Variants in AGO2 observed in about 807,000 individuals in gnomAD.
The protein encoded by AGO2 is protein argonaute-2.
A neutral mutation model predicts 102.3 loss-of-function variants in AGO2; 5 were observed. That is an observed-to-expected ratio of 0.05 (90% CI 0.03 to 0.10). AGO2 has a LOEUF of 0.10. Ranked by LOEUF, AGO2 falls within the 10% of genes least tolerant of loss-of-function variation. The pLI is 1.00. For missense variants in AGO2, 541 were observed against 1,183.7 expected (o/e 0.46, Z 7.97); for synonymous variants, 449 against 473.1 (o/e 0.95, Z 0.66).
intron 13 of AGO2, among the ~76,000 whole-genome samples, chr8:140,545,635 C>A (rs1049005171): frequency 6.6e-6 from 1 of 152,228 alleles, no homozygotes; most frequent in Non-Finnish European, 1.5e-5. Context: ...ACCCTCCCAA[C>A]AGCCTCCCCG....
rs1386366277 is a variant in AGO2, at chr8:140,553,404, G to GTTT, written c.1270-1971_1270-1969dup. On this transcript the variant is annotated intron_variant, in intron 10 of 18. Transcript: ENST00000220592. ...GCCTCAAACAAGTTACAAGTTTTTT[G>GTTT]TTTTTTGTTTTTTTTTTTTTTTGAG... is the stretch of plus-strand genomic sequence containing the variant. Among the ~76,000 whole-genome samples, 16 of 101,710 alleles carry GTTT rather than the reference G, an allele frequency of 1.6e-4. 1 individual carries two copies. Among genetic ancestry groups the GTTT allele is most frequent in the African/African-American group, 3.4e-4 (7 of 20,612 alleles). 66.7% of individuals were successfully genotyped at this position (101,710 alleles called of 152,430 possible). A position where few individuals can be genotyped will look rare whatever the true frequency, so the allele number is the denominator to read the frequency against.
chr8:140,561,568 T>C (rs542577197), intron 4 of AGO2, among the ~76,000 whole-genome samples: 207 of 152,300 alleles, frequency 1.4e-3, no homozygotes, highest in Non-Finnish European at 1.6e-3. Context: ...CAGAGACAGA[T>C]TACACGTGGG....
At chr8:140,633,169 C>A (rs1243325246) in intron 1 of AGO2, among the ~76,000 whole-genome samples, 2 of 152,004 alleles carry the variant, frequency 1.3e-5, no homozygotes, top group Admixed American at 6.6e-5. Context: ...CCTTGGCCTC[C>A]CAATGTAATT....
rs1305476886 is a variant in AGO2, at chr8:140,589,257, C to T, written c.23-3946G>A. The stretch of plus-strand genomic sequence containing the variant: ...CAGGCCTGCCAGGATTCCCCGCAGA[C>T]GTGTACCCTGAGGCGGGGAGAGCAG... On this transcript the variant is annotated intron_variant, in intron 1 of 18. Coordinates refer to ENST00000220592, the MANE Select transcript of AGO2 (RefSeq NM_012154.5). This position sits in a 1 kb window ranked among gnomAD's most constrained non-coding sequence, Gnocchi z 4.2. 1.3e-5 allele frequency among the ~76,000 whole-genome samples: 2 copies of T among 152,148 alleles called. No individual in the cohort carries two copies. Among genetic ancestry groups the T allele is most frequent in the Non-Finnish European group, 2.9e-5 (2 of 68,016 alleles).
chr8:140,585,446 AGAG>A (rs1564101204), intron 1 of AGO2, 135 bp from the exon 2 acceptor site: 2 of 941,420 alleles, frequency 2.1e-6, no homozygotes, highest in Non-Finnish European at 3.1e-6. Context: ...TGCATTCCAC[AGAG>A]GAGGCGTCTC....
chr8:140,627,265 G>C (rs976314403), intron 1 of AGO2, among the ~76,000 whole-genome samples: 2 of 152,236 alleles, frequency 1.3e-5, no homozygotes, highest in African/African-American at 4.8e-5. Flanking sequence ...GAACAAGAGT[G>C]CTGATGCAAA....
chr8:140,541,352 CCACCACCTGCAGGAACAGG>C lies in AGO2; in HGVS notation c.1840-13_1845del. The C allele has an allele frequency of 6.2e-7, 1 of 1,602,312 alleles. No homozygotes were observed. The highest frequency in any genetic ancestry group is 8.5e-7 in the Non-Finnish European group (1 of 1,175,340). On this transcript the variant is annotated splice_acceptor_variant and splice_polypyrimidine_tract_variant and coding_sequence_variant and intron_variant, in exon 15 of 19. Transcript: ENST00000220592. LOFTEE classifies it high-confidence loss of function. Reference sequence around the variant, plus strand: ...CGATTGGGGTGGGCGTCCATGCTGCCCACCACCTGCAGGAACAGGCAGTGAGTGTGGTCAGGGGTTCCCA... The same window carrying C: ...CGATTGGGGTGGGCGTCCATGCTGCCCAGTGAGTGTGGTCAGGGGTTCCCA...
intron 1 of AGO2, among the ~76,000 whole-genome samples, chr8:140,608,425 C>T (rs569619582): frequency 6.8e-4 from 103 of 152,340 alleles, no homozygotes; most frequent in Non-Finnish European, 1.9e-4. Flanking sequence ...CACAATTGTC[C>T]GTGGAGAGCC....
intron 3 of AGO2, among the ~76,000 whole-genome samples, chr8:140,564,211 C>T (rs375691151): frequency 3.9e-5 from 6 of 152,104 alleles, no homozygotes; most frequent in African/African-American, 9.7e-5. Flanking sequence ...CAGAGCCATA[C>T]GCACAGGGGA....
At chr8:140,582,398 T>C (rs998132091) in intron 2 of AGO2, among the ~76,000 whole-genome samples, 1 of 152,222 alleles carries the variant, frequency 6.6e-6, no homozygotes, top group Non-Finnish European at 1.5e-5. Flanking sequence ...TGGAGCATTT[T>C]GGGTGTCAGG....
At chr8:140,585,083 C>A (rs1447946149) in intron 2 of AGO2, 36 bp downstream of exon 2, 2 of 1,595,326 alleles carry the variant, frequency 1.3e-6, no homozygotes, top group Non-Finnish European at 8.6e-7. Flanking sequence ...TCCGCGCAGA[C>A]CACTTACACA....
intron 11 of AGO2, among the ~76,000 whole-genome samples, chr8:140,549,989 A>G (rs991786811): frequency 6.6e-6 from 1 of 152,208 alleles, no homozygotes; most frequent in African/African-American, 2.4e-5. Context: ...TTTCCTGTAC[A>G]TTAGATCAGG....
rs549495802 is a variant in AGO2, at chr8:140,624,170, G to A, written c.22+11315C>T. 3.9e-5 allele frequency among the ~76,000 whole-genome samples: 6 copies of A among 152,202 alleles called. No individual in the cohort carries two copies. The South Asian group carries it at 6.2e-4, about 16-fold the overall frequency. ...CACCCACTGTCCTCAGGCCAGCTCCGAAGAGCCCCCACCCAGCAGGTCTCG... is the reference window on the plus strand; with the variant it reads ...CACCCACTGTCCTCAGGCCAGCTCCAAAGAGCCCCCACCCAGCAGGTCTCG... On this transcript the variant is annotated intron_variant, in intron 1 of 18. Coordinates refer to ENST00000220592, the MANE Select transcript of AGO2 (RefSeq NM_012154.5).
At chr8:140,603,585 C>T (rs990401455) in intron 1 of AGO2, among the ~76,000 whole-genome samples, 12 of 152,234 alleles carry the variant, frequency 7.9e-5, no homozygotes, top group African/African-American at 2.7e-4. Flanking sequence ...GTCTCAATGG[C>T]TCTGCCTGTT....
intron 1 of AGO2, among the ~76,000 whole-genome samples, chr8:140,618,815 CA>C (rs543573898): frequency 1.2e-4 from 16 of 138,350 alleles, no homozygotes; most frequent in Admixed American, 1.4e-4. Context: ...GACCTTGTCT[CA>C]AAAAAAAAAG....
At chr8:140,571,418 G>C (rs2073376322) in intron 3 of AGO2, among the ~76,000 whole-genome samples, 1 of 152,220 alleles carries the variant, frequency 6.6e-6, no homozygotes, top group Admixed American at 6.5e-5. Flanking sequence ...AGGATCGCTT[G>C]AGCCTGGAAA....
rs2072785819 is a variant in AGO2, at chr8:140,540,936, C to CG, written c.2034+227dup. On this transcript the variant is annotated intron_variant, in intron 15 of 18. Transcript: ENST00000220592. This position sits in a 1 kb window ranked among gnomAD's most constrained non-coding sequence, Gnocchi z 5.0. ...ATCTCTTGGTCCCCAGGCCCATACC[C>CG]GCCCCTCCTCCCCTCCCTCTGTCCT... Among the ~76,000 whole-genome samples the CG allele has an allele frequency of 6.6e-6, 1 of 152,148 alleles. No homozygotes were observed. Among genetic ancestry groups the CG allele is most frequent in the Non-Finnish European group, 1.5e-5 (1 of 68,022 alleles).
chr8:140,623,427 G>C (rs946747536), intron 1 of AGO2, among the ~76,000 whole-genome samples: 1 of 152,118 alleles, frequency 6.6e-6, no homozygotes. Context: ...TGGTTCATCC[G>C]ATGTCACTGC....
intron 1 of AGO2, among the ~76,000 whole-genome samples, chr8:140,632,683 G>C (rs1193532283): frequency 6.6e-6 from 1 of 152,182 alleles, no homozygotes; most frequent in Non-Finnish European, 1.5e-5. Context: ...GAAGGTTCAA[G>C]GTCATTGGAG....
Sources: gnomAD v4.1 joint callset for allele counts (sites outside exome capture counted in the v4.1 genomes callset) on GRCh38, gnomAD v4.1.1 for gene constraint, Gnocchi (gnomAD v3.1) non-coding constraint, MANE v1.5 for transcripts, NCBI Gene and HGNC (gene_info 2026-07-23, HGNC 2026-07-21) for gene names.